Variants in RBMS3 observed in about 807,000 individuals in gnomAD.
The protein encoded by RBMS3 is RNA-binding motif, single-stranded-interacting protein 3.
In RBMS3, 27 loss-of-function variants were observed where a neutral mutation model predicts 66.8. The observed-to-expected ratio is 0.40, with a 90% CI of 0.30 to 0.56. RBMS3 has a LOEUF of 0.56. Among genes scored for constraint, RBMS3 ranks in the 20% least tolerant of loss-of-function variants. The pLI, the probability that RBMS3 is intolerant of heterozygous loss-of-function variation, is 0.40. For missense variants in RBMS3, 513 were observed against 549.5 expected (o/e 0.93, Z 0.66); for synonymous variants, 188 against 183.0 (o/e 1.03, Z -0.22).
chr3:29,288,327 G>A (rs1204773907), intron 1 of RBMS3, among the ~76,000 whole-genome samples: 1 of 151,916 alleles, frequency 6.6e-6, no homozygotes, highest in Non-Finnish European at 1.5e-5. Flanking sequence ...CTGGCTCTCT[G>A]GTGATTTGAA....
At chr3:29,910,810 C>A (rs57626832) in intron 10 of RBMS3, among the ~76,000 whole-genome samples, 31 of 151,312 alleles carry the variant, frequency 2.0e-4, no homozygotes, top group African/African-American at 7.1e-4. Flanking sequence ...TTGTGTATGG[C>A]GTGTACGGAT....
rs564754585 is a variant in RBMS3, at chr3:29,316,200, G to A, written c.75+34444G>A. On this transcript the variant is annotated intron_variant, in intron 1 of 14. Transcript: ENST00000383767. ...AGATATCAGACATGTGACTCTCACTGGAATTCACTTCTTCTAGCCTATCAC... is the reference window on the plus strand; with the variant it reads ...AGATATCAGACATGTGACTCTCACTAGAATTCACTTCTTCTAGCCTATCAC... Among the ~76,000 whole-genome samples, 18 of 151,774 alleles carry A rather than the reference G, an allele frequency of 1.2e-4. No homozygotes were observed. In the South Asian group the frequency reaches 3.3e-3, roughly 28 times the overall value.
At chr3:29,906,498 G>A (rs942162505) in intron 10 of RBMS3, among the ~76,000 whole-genome samples, 4 of 151,936 alleles carry the variant, frequency 2.6e-5, no homozygotes, top group African/African-American at 9.7e-5. Flanking sequence ...CCATTCATGA[G>A]GACACAACAC....
intron 4 of RBMS3, among the ~76,000 whole-genome samples, chr3:29,732,401 A>G (rs2054177232): frequency 6.6e-6 from 1 of 152,220 alleles, no homozygotes; most frequent in Admixed American, 6.5e-5. Context: ...TGTTTCACAC[A>G]GTGTATCAAT....
chr3:29,832,406 T>TGA (rs1481493667), intron 6 of RBMS3, among the ~76,000 whole-genome samples: 2 of 152,188 alleles, frequency 1.3e-5, no homozygotes, highest in Non-Finnish European at 2.9e-5. Context: ...TACCAATGGA[T>TGA]GAGAGTACCT....
chr3:29,400,629 G>C (rs1332948371), intron 1 of RBMS3, among the ~76,000 whole-genome samples: 2 of 151,940 alleles, frequency 1.3e-5, no homozygotes, highest in Non-Finnish European at 2.9e-5. Flanking sequence ...AAGCGAGGTA[G>C]CTGCAATCAA....
At chr3:29,622,211 TGCCCTTATAG>T (rs1188413478) in intron 4 of RBMS3, among the ~76,000 whole-genome samples, 2 of 152,224 alleles carry the variant, frequency 1.3e-5, no homozygotes, top group Admixed American at 6.5e-5. Context: ...AAAATGTTCC[TGCCCTTATAG>T]GGCTTACATC....
intron 1 of RBMS3, among the ~76,000 whole-genome samples, chr3:29,422,292 T>C (rs572706943): frequency 6.6e-6 from 1 of 151,448 alleles, no homozygotes. Flanking sequence ...TCTCTGAAGC[T>C]CAATTACTTC....
At chr3:29,851,909 A>G (rs1217979414) in intron 6 of RBMS3, among the ~76,000 whole-genome samples, 4 of 152,240 alleles carry the variant, frequency 2.6e-5, no homozygotes, top group African/African-American at 9.6e-5. Context: ...TGGAGGAATC[A>G]TACTACCTGA....
chr3:29,461,752 TTCTC>T lies in RBMS3; in HGVS notation c.249-26681_249-26678del, dbSNP rs202143677. 4.0e-5 allele frequency among the ~76,000 whole-genome samples: 6 copies of T among 150,468 alleles called. No homozygotes were observed. The South Asian group carries it at 8.4e-4, about 21-fold the overall frequency. ...CTTAATTTTCTGAGTCTCTACTTCT[TTCTC>T]TCTCTCTTTTTTTTTGAAACGGAGT... On this transcript the variant is annotated intron_variant, in intron 2 of 14. Transcript: ENST00000383767.
intron 4 of RBMS3, among the ~76,000 whole-genome samples, chr3:29,610,190 G>A (rs2048447066): frequency 6.6e-6 from 1 of 151,968 alleles, no homozygotes; most frequent in African/African-American, 2.4e-5. Flanking sequence ...CAAGATAAAT[G>A]TGGACCCTGT....
chr3:29,565,627 A>G (rs2046714819), intron 3 of RBMS3, among the ~76,000 whole-genome samples: 1 of 152,186 alleles, frequency 6.6e-6, no homozygotes, highest in Non-Finnish European at 1.5e-5. Flanking sequence ...TGAAAACCAC[A>G]CTGTGCTAAC....
At chr3:29,518,149 G>A (rs2044714590) in intron 3 of RBMS3, among the ~76,000 whole-genome samples, 1 of 152,142 alleles carries the variant, frequency 6.6e-6, no homozygotes, top group South Asian at 2.1e-4. Flanking sequence ...ACCATTAGGT[G>A]CCTGATACTG....
intron 1 of RBMS3, among the ~76,000 whole-genome samples, chr3:29,408,402 A>G (rs1490505845): frequency 1.3e-5 from 2 of 152,080 alleles, no homozygotes; most frequent in East Asian, 3.9e-4. Context: ...CTGTGCCTCA[A>G]TTTCCTCATC....
intron 4 of RBMS3, among the ~76,000 whole-genome samples, chr3:29,597,287 A>T (rs2047978025): frequency 6.6e-6 from 1 of 152,140 alleles, no homozygotes; most frequent in Non-Finnish European, 1.5e-5. Flanking sequence ...AGCACATCTG[A>T]CTTTTATTGA....
intron 6 of RBMS3, among the ~76,000 whole-genome samples, chr3:29,832,826 C>T (rs2058409332): frequency 1.3e-5 from 2 of 152,272 alleles, no homozygotes; most frequent in South Asian, 4.1e-4. Context: ...GTGGATCCTC[C>T]TCAACTAGCT....
At chr3:29,818,380 G>T (rs1222950300) in intron 6 of RBMS3, among the ~76,000 whole-genome samples, 1 of 148,220 alleles carries the variant, frequency 6.7e-6, no homozygotes, top group South Asian at 2.2e-4. Context: ...TACATTTTTT[G>T]TCCATGTGTG....
intron 1 of RBMS3, among the ~76,000 whole-genome samples, chr3:29,354,703 A>C (rs78628780): frequency 0.068 from 10,344 of 152,172 alleles, 414 homozygotes; most frequent in African/African-American, 0.1. Context: ...CCCTGCGAAC[A>C]TGACACATTC....
intron 10 of RBMS3, among the ~76,000 whole-genome samples, chr3:29,928,795 C>T (rs189418608): frequency 4.4e-4 from 54 of 122,952 alleles, no homozygotes; most frequent in Non-Finnish European, 6.4e-4. Context: ...TCACTTGCTC[C>T]TCTCTTCTCT....
Sources: allele counts gnomAD v4.1 joint callset (sites outside exome capture counted in the v4.1 genomes callset), GRCh38; gene constraint gnomAD v4.1.1; transcripts MANE v1.5; gene names NCBI Gene and HGNC (gene_info 2026-07-23, HGNC 2026-07-21).